Variants in NEIL2 observed in about 807,000 individuals in gnomAD.
The protein encoded by NEIL2 is nei like DNA glycosylase 2.
NEIL2 carries 23 observed loss-of-function variants against 22.2 expected under a neutral mutation model. The ratio of observed to expected loss-of-function variants is 1.04; its 90% CI spans 0.75 to 1.47. NEIL2 has a LOEUF of 1.47. Ranked by LOEUF, NEIL2 falls within the 40% of genes most tolerant of loss-of-function variation. The pLI is 0.00. For synonymous variants in NEIL2, 229 were observed against 164.8 expected (o/e 1.39, Z -2.99); for missense variants, 583 against 404.7 (o/e 1.44, Z -3.78).
rs767347588 is a variant in NEIL2, at chr8:11,779,644, T to TG, written c.189dup (p.Pro64AlafsTer36). On this transcript the variant is annotated frameshift_variant, in exon 3 of 5. Transcript: ENST00000284503. LOFTEE classifies it high-confidence loss of function. Reference sequence around the variant, plus strand: ...CTTAGATTTGATCTAGATGAAGAAATGGGGCCCCCTGGCAGCAGCCCAACA... The same window carrying TG: ...CTTAGATTTGATCTAGATGAAGAAATGGGGGCCCCCTGGCAGCAGCCCAACA... 12 of 1,613,548 alleles carry TG rather than the reference T, an allele frequency of 7.4e-6. No homozygotes were observed. The highest frequency in any genetic ancestry group is 6.6e-5 in the South Asian group (6 of 91,090).
At chr8:11,780,092 A>G (rs1804280390) in intron 3 of NEIL2, 142 bp downstream of exon 3, 1 of 659,898 alleles carries the variant, frequency 1.5e-6, no homozygotes. Context: ...GAGAGAGGCC[A>G]CCTCTGTATC....
intron 2 of NEIL2, among the ~76,000 whole-genome samples, chr8:11,774,858 G>A (rs770328127): frequency 2.6e-5 from 4 of 152,246 alleles, no homozygotes; most frequent in Non-Finnish European, 4.4e-5. Context: ...TTGACTCCAT[G>A]TCTCTCATCC....
chr8:11,783,382 G>C lies in NEIL2; in HGVS notation c.671G>C (p.Arg224Thr), dbSNP rs774690430. 16 of 1,614,142 alleles carry C rather than the reference G, an allele frequency of 9.9e-6. No individual in the cohort carries two copies. In the South Asian group the frequency reaches 1.5e-4, roughly 16 times the overall value. ...QPVCYTLLDQRYFSGLGNIIK... is the reference protein window; with the variant it reads ...QPVCYTLLDQTYFSGLGNIIK... ...GTCTGCTATACACTGCTGGACCAGA[G>C]ATACTTCTCAGGGCTAGGTATGACT... Residue 224 changes from arginine to threonine, a missense_variant, in exon 4 of 5, where the codon AGA becomes ACA. By Grantham distance (71) the Arg-to-Thr change is moderately conservative. Coordinates refer to ENST00000284503, the MANE Select transcript of NEIL2 (RefSeq NM_145043.4).
chr8:11,779,475 T>G (rs1804200513), intron 2 of NEIL2, 123 bp from the exon 3 acceptor site: 2 of 835,544 alleles, frequency 2.4e-6, no homozygotes, highest in South Asian at 2.7e-5. Context: ...GTCCAAAGAC[T>G]TCATTTGGGA....
chr8:11,785,006 C>G (rs1432506117), intron 4 of NEIL2, among the ~76,000 whole-genome samples: 2 of 151,880 alleles, frequency 1.3e-5, no homozygotes, highest in African/African-American at 2.4e-5. Flanking sequence ...GTAGGTGAGA[C>G]TACAGGTGCA....
At position 11,783,482 on chromosome 8, in the gene NEIL2, C is replaced by T. The variant is rs889769453; in HGVS notation, c.688+83C>T. The T allele has an allele frequency of 1.2e-5, 14 of 1,175,112 alleles. No individual in the cohort carries two copies. In the South Asian group the frequency reaches 1.6e-4, roughly 13 times the overall value. 72.8% of individuals were successfully genotyped at this position (1,175,112 alleles called of 1,614,324 possible). A position where few individuals can be genotyped will look rare whatever the true frequency, so the allele number is the denominator to read the frequency against. Reference sequence around the variant, plus strand: ...TGTGGGAGTCAGAAGACCTGAGGGCCACCCTAGTTGTGCCAGTGCTGTTGG... The same window carrying T: ...TGTGGGAGTCAGAAGACCTGAGGGCTACCCTAGTTGTGCCAGTGCTGTTGG... On this transcript the variant is annotated intron_variant, in intron 4 of 4. Transcript: ENST00000284503.
At chr8:11,783,581 A>C (rs1010450673) in intron 4 of NEIL2, among the ~76,000 whole-genome samples, 182 bp downstream of exon 4, 1 of 152,202 alleles carries the variant, frequency 6.6e-6, no homozygotes, top group Non-Finnish European at 1.5e-5. Context: ...TAGATCAGGC[A>C]GTTTTTAACT....
At chr8:11,771,651 C>T (rs1275245491) in intron 2 of NEIL2, 66 bp downstream of exon 2, 2 of 1,526,444 alleles carry the variant, frequency 1.3e-6, no homozygotes, top group African/African-American at 2.7e-5. Context: ...AGGATCTATC[C>T]CCATATGTCT....
intron 4 of NEIL2, among the ~76,000 whole-genome samples, chr8:11,784,976 C>G (rs1804765353): frequency 6.6e-6 from 1 of 152,064 alleles, no homozygotes; most frequent in Admixed American, 6.6e-5. Context: ...TCAAGCGATC[C>G]TCCCACCTTA....
intron 2 of NEIL2, among the ~76,000 whole-genome samples, chr8:11,776,194 GTCT>G (rs1803891374): frequency 6.6e-6 from 1 of 152,226 alleles, no homozygotes; most frequent in East Asian, 1.9e-4. Flanking sequence ...GCAAAGGCAT[GTCT>G]TACATGGCAG....
intron 2 of NEIL2, among the ~76,000 whole-genome samples, chr8:11,778,916 C>T: frequency 8.1e-6 from 1 of 122,804 alleles, no homozygotes; most frequent in African/African-American, 3.0e-5. Flanking sequence ...GGTGCCACTA[C>T]ACTCCAGTCT....
intron 2 of NEIL2, among the ~76,000 whole-genome samples, chr8:11,779,131 C>T (rs542651171): frequency 6.6e-6 from 1 of 151,976 alleles, no homozygotes; most frequent in Non-Finnish European, 1.5e-5. Flanking sequence ...TTACAGTTTC[C>T]TTATCAAGTC....
At chr8:11,783,088 C>T (rs561247678) in intron 3 of NEIL2, 115 bp from the exon 4 acceptor site, 2 of 852,970 alleles carry the variant, frequency 2.3e-6, no homozygotes, top group African/African-American at 3.3e-5. Flanking sequence ...AGAGTGTGCT[C>T]TATGTTGTGG....
At chr8:11,781,061 A>G (rs1804377031) in intron 3 of NEIL2, among the ~76,000 whole-genome samples, 1 of 152,112 alleles carries the variant, frequency 6.6e-6, no homozygotes, top group Non-Finnish European at 1.5e-5. Context: ...GGTTGCTTGT[A>G]GGTTTCCCCT....
In NEIL2 at chr8:11,786,631, T is replaced by TTC. The variant is rs1441121144; in HGVS notation, c.*359_*360insCT. ...CATAGCTTTGCAGATGATGTGGGTT[T>TTC]TTTTTTTTTTTTTGGTTGTTTGTTT... On this transcript the variant is annotated 3_prime_UTR_variant, in exon 5 of 5. Transcript: ENST00000284503. 7.1e-6 allele frequency: 2 copies of TTC among 283,270 alleles called. No homozygotes were observed. Among genetic ancestry groups the TTC allele is most frequent in the Non-Finnish European group, 1.4e-5 (2 of 148,058 alleles). 17.5% of individuals were successfully genotyped at this position (283,270 alleles called of 1,614,324 possible).
rs978441977 is a variant in NEIL2 at position 11,777,419 on chromosome 8, C to T, written c.139-2179C>T. ...ACATAACAAACTTTACTGTCTTAAC[C>T]ATTTTAAAGTATATAGTTCAGTCAT... is the stretch of plus-strand genomic sequence containing the variant. On this transcript the variant is annotated intron_variant, in intron 2 of 4. Transcript: ENST00000284503. Among the ~76,000 whole-genome samples the T allele has an allele frequency of 2.0e-5, 3 of 151,886 alleles. No individual in the cohort carries two copies. In the East Asian group the frequency reaches 5.8e-4, roughly 29 times the overall value.
chr8:11,771,111 C>G (rs1181042434), intron 1 of NEIL2, among the ~76,000 whole-genome samples: 1 of 152,166 alleles, frequency 6.6e-6, no homozygotes, highest in Non-Finnish European at 1.5e-5. Flanking sequence ...CAAAAAGTAA[C>G]AAAGGCCAGC....
chr8:11,774,493 C>G (rs575121165), intron 2 of NEIL2, among the ~76,000 whole-genome samples: 1 of 152,196 alleles, frequency 6.6e-6, no homozygotes, highest in African/African-American at 2.4e-5. Context: ...TCCCATAACA[C>G]ATGGGAATCA....
At chr8:11,779,335 G>C (rs1804187226) in intron 2 of NEIL2, among the ~76,000 whole-genome samples, 1 of 152,190 alleles carries the variant, frequency 6.6e-6, no homozygotes, top group Non-Finnish European at 1.5e-5. Context: ...ATTCCCTTCA[G>C]GTATTCCAGG....
Sources: gnomAD v4.1 joint callset for allele counts (sites outside exome capture counted in the v4.1 genomes callset) on GRCh38, gnomAD v4.1.1 for gene constraint, MANE v1.5 for transcripts, NCBI Gene and HGNC (gene_info 2026-07-23, HGNC 2026-07-21) for gene names.